Variants in PPP3CC observed in about 807,000 individuals in gnomAD.
The protein encoded by PPP3CC is serine/threonine-protein phosphatase 2B catalytic subunit gamma isoform.
Under a neutral mutation model 60.3 loss-of-function variants are expected in PPP3CC, and 35 were observed. The observed-to-expected ratio is 0.58, with a 90% CI of 0.44 to 0.77. PPP3CC has a LOEUF of 0.77. PPP3CC is among the 30% of genes least tolerant of loss of function. The probability of loss-of-function intolerance (pLI) is 0.00; values close to 1 mark genes in which losing one functional copy is unlikely to be tolerated. For synonymous variants in PPP3CC, 206 were observed against 224.3 expected (o/e 0.92, Z 0.73); for missense variants, 570 against 628.9 (o/e 0.91, Z 1.00).
intron 1 of PPP3CC, among the ~76,000 whole-genome samples, chr8:22,467,079 A>G (rs997945267): frequency 2.0e-5 from 3 of 152,210 alleles, no homozygotes; most frequent in Non-Finnish European, 4.4e-5. Context: ...AAAATGTGCT[A>G]CAGACATTGT....
intron 3 of PPP3CC, among the ~76,000 whole-genome samples, chr8:22,482,515 C>T (rs1390335288): frequency 6.6e-6 from 1 of 152,172 alleles, no homozygotes; most frequent in Non-Finnish European, 1.5e-5. Flanking sequence ...GGTTCTTTTG[C>T]AGTGCAGAAG....
intron 1 of PPP3CC, among the ~76,000 whole-genome samples, chr8:22,448,668 C>T (rs1022457492): frequency 6.6e-6 from 1 of 151,998 alleles, no homozygotes; most frequent in East Asian, 1.9e-4. Context: ...TGTGAGCCAC[C>T]GTGCCTGGCC....
At chr8:22,516,422 C>T (rs1266686405) in intron 6 of PPP3CC, among the ~76,000 whole-genome samples, 2 of 152,220 alleles carry the variant, frequency 1.3e-5, no homozygotes, top group Admixed American at 1.3e-4. Context: ...GGTATTTGTA[C>T]ATGGCCTTTG....
chr8:22,448,381 GTT>G (rs34309415), intron 1 of PPP3CC, among the ~76,000 whole-genome samples: 3 of 135,112 alleles, frequency 2.2e-5, no homozygotes, highest in Non-Finnish European at 3.2e-5. Flanking sequence ...CCTTTTTTTT[GTT>G]TTTTTTTTTT....
chr8:22,502,205 T>G (rs187654138), intron 4 of PPP3CC, among the ~76,000 whole-genome samples: 3 of 152,276 alleles, frequency 2.0e-5, no homozygotes, highest in Admixed American at 1.3e-4. Context: ...GCAGGTCATT[T>G]TAGAATTCGT....
intron 4 of PPP3CC, among the ~76,000 whole-genome samples, chr8:22,499,331 C>T (rs1197579874): frequency 6.7e-6 from 1 of 149,856 alleles, no homozygotes; most frequent in Non-Finnish European, 1.5e-5. Context: ...CCCAGCTACT[C>T]GGGAGGCTGA....
intron 1 of PPP3CC, among the ~76,000 whole-genome samples, chr8:22,455,398 A>T (rs1837166581): frequency 6.6e-6 from 1 of 152,214 alleles, no homozygotes; most frequent in African/African-American, 2.4e-5. Flanking sequence ...TGATCTATAA[A>T]TTGATAATCC....
chr8:22,530,474 C>G (rs1356830728), intron 10 of PPP3CC, among the ~76,000 whole-genome samples: 1 of 150,942 alleles, frequency 6.6e-6, no homozygotes, highest in African/African-American at 2.4e-5. Context: ...AACAGAAACA[C>G]ATATATTTCC....
intron 4 of PPP3CC, among the ~76,000 whole-genome samples, chr8:22,498,826 A>G (rs1353272099): frequency 6.6e-6 from 1 of 152,226 alleles, no homozygotes; most frequent in Non-Finnish European, 1.5e-5. Context: ...TAAGTTTAAT[A>G]TAAAAGTAGA....
At chr8:22,478,428 G>A (rs1037494790) in intron 3 of PPP3CC, among the ~76,000 whole-genome samples, 17 of 152,144 alleles carry the variant, frequency 1.1e-4, no homozygotes, top group African/African-American at 4.1e-4. Flanking sequence ...GGGATTACAG[G>A]CATGAGCCAC....
At chr8:22,446,339 G>A (rs971582742) in intron 1 of PPP3CC, among the ~76,000 whole-genome samples, 2 of 151,732 alleles carry the variant, frequency 1.3e-5, no homozygotes, top group African/African-American at 2.4e-5. Context: ...TTATTCTGGC[G>A]TCTAACGTCA....
intron 6 of PPP3CC, 56 bp downstream of exon 6, chr8:22,513,488 A>T: frequency 6.7e-7 from 1 of 1,497,854 alleles, no homozygotes; most frequent in Non-Finnish European, 9.0e-7. Context: ...TCATTTTATC[A>T]GATGATTTTT....
chr8:22,454,951 G>C (rs1347979259), intron 1 of PPP3CC, among the ~76,000 whole-genome samples: 1 of 151,584 alleles, frequency 6.6e-6, no homozygotes, highest in Non-Finnish European at 1.5e-5. Context: ...AGCTACTCGG[G>C]AGGCTAAGGC....
intron 6 of PPP3CC, among the ~76,000 whole-genome samples, chr8:22,515,403 T>C (rs1462727428): frequency 3.3e-5 from 5 of 152,250 alleles, no homozygotes; most frequent in African/African-American, 4.8e-5. Flanking sequence ...TTCCAAATCT[T>C]GGCTATTGTG....
chr8:22,454,535 CAT>C (rs1356455682), intron 1 of PPP3CC, among the ~76,000 whole-genome samples: 2 of 152,154 alleles, frequency 1.3e-5, no homozygotes, highest in African/African-American at 4.8e-5. Context: ...AAGCCAGTAA[CAT>C]ATTTGTTATC....
At chr8:22,525,385 C>T (rs2461482) in intron 8 of PPP3CC, among the ~76,000 whole-genome samples, 62,846 of 151,676 alleles carry the variant, frequency 0.41, 13,424 homozygotes, top group East Asian at 0.55. Flanking sequence ...TATTCTTTTT[C>T]TTCTTCCTTT....
chr8:22,477,341 G>A (rs1273753861), intron 3 of PPP3CC, among the ~76,000 whole-genome samples: 1 of 152,062 alleles, frequency 6.6e-6, no homozygotes, highest in Non-Finnish European at 1.5e-5. Context: ...ACCAGGCATG[G>A]TGGTGGGCGC....
At chr8:22,467,480 C>T (rs189175747) in intron 1 of PPP3CC, among the ~76,000 whole-genome samples, 8 of 152,232 alleles carry the variant, frequency 5.3e-5, no homozygotes, top group Admixed American at 2.6e-4. Context: ...ATTGCTCTGT[C>T]GCCCAGGTTG....
chr8:22,454,420 T>A (rs1288375513), intron 1 of PPP3CC, among the ~76,000 whole-genome samples: 1 of 152,228 alleles, frequency 6.6e-6, no homozygotes. Context: ...AGGACCTGTC[T>A]GGGGCTGTTT....
Sources: gnomAD v4.1 joint callset for allele counts (sites outside exome capture counted in the v4.1 genomes callset) on GRCh38, gnomAD v4.1.1 for gene constraint, MANE v1.5 for transcripts, NCBI Gene and HGNC (gene_info 2026-07-23, HGNC 2026-07-21) for gene names.